The following MYLIP variants were observed in gnomAD, a reference collection of about 807,000 sequenced individuals.
MYLIP encodes the protein myosin regulatory light chain interacting protein.
Under a neutral mutation model 45.8 loss-of-function variants are expected in MYLIP, and 26 were observed. The ratio of observed to expected loss-of-function variants is 0.57; its 90% CI spans 0.42 to 0.79. MYLIP has a LOEUF of 0.79. MYLIP is among the 30% of genes least tolerant of loss of function. MYLIP has a pLI of 0.00. For missense variants in MYLIP, 494 were observed against 555.6 expected (o/e 0.89, Z 1.11); for synonymous variants, 213 against 218.1 (o/e 0.98, Z 0.21).
chr6:16,162,785 T>TAAAAAAAGAAAAAAA, the MYLIP span, among the ~76,000 whole-genome samples: 2 of 69,610 alleles, frequency 2.9e-5, 1 homozygote, highest in African/African-American at 1.9e-4. Context: ...ACCTCAACTC[T>TAAAAAAAGAAAAAAA]AAAAAAAAAA....
chr6:16,155,043 T>C, the MYLIP span, among the ~76,000 whole-genome samples: 9 of 152,178 alleles, frequency 5.9e-5, no homozygotes, highest in East Asian at 1.9e-4. Context: ...AGAGTTTCCA[T>C]GTTATTACTC....
chr6:16,135,769 A>C (rs1003789075), intron 2 of MYLIP, among the ~76,000 whole-genome samples: 1 of 146,568 alleles, frequency 6.8e-6, no homozygotes, highest in African/African-American at 2.5e-5. Context: ...ATATATATAT[A>C]TATATATATG....
chr6:16,129,267 G>A lies in MYLIP; in HGVS notation c.-56G>A. On this transcript the variant is annotated 5_prime_UTR_variant, in exon 1 of 7. Transcript: ENST00000356840. This position sits in a 1 kb window ranked among gnomAD's most constrained non-coding sequence, Gnocchi z 5.1. ...GCTGGGTCCCACCAGTGACAAGGCG[G>A]CAGCCCCGCGCACACCAAAGAGAAG... 2.0e-6 allele frequency: 3 copies of A among 1,526,838 alleles called. No homozygotes were observed. Among genetic ancestry groups the A allele is most frequent in the Non-Finnish European group, 1.8e-6 (2 of 1,128,186 alleles). The allele number at this position is 1,526,838 out of a possible 1,614,324, so 94.6% of individuals were successfully genotyped here.
the MYLIP span, among the ~76,000 whole-genome samples, chr6:16,155,725 A>G: frequency 6.6e-6 from 1 of 152,166 alleles, no homozygotes; most frequent in Non-Finnish European, 1.5e-5. Context: ...AACTGGGGTG[A>G]GTGCTTTCAG....
Position 16,143,728 on chromosome 6 carries a change from C to T in MYLIP, c.692C>T (p.Thr231Ile). The change falls in exon 5 of 7, where the codon ACC (threonine) becomes ATC (isoleucine). Residue 231 changes from threonine to isoleucine, a missense_variant. Coordinates refer to ENST00000356840, the MANE Select transcript of MYLIP (RefSeq NM_013262.4). The stretch of plus-strand genomic sequence containing the variant: ...GCTTATCCTGTGGTGCAGATGGCCA[C>T]CCAGTCAGGAAAGAATGTATATTTG... ...RIAYPVVQMA[T>I]QSGKNVYLTV... The T allele has an allele frequency of 6.2e-7, 1 of 1,614,058 alleles. No homozygotes were observed. Among genetic ancestry groups the T allele is most frequent in the Non-Finnish European group, 8.5e-7 (1 of 1,180,010 alleles).
chr6:16,146,684 G>A lies in MYLIP; in HGVS notation c.1271G>A (p.Arg424His), dbSNP rs199758517. Residue 424 changes from arginine to histidine, a missense_variant, in exon 7 of 7, where the codon CGT (arginine) becomes CAT (histidine). Physicochemically the swap from Arg to His is conservative, Grantham distance 29. Transcript: ENST00000356840. The part of the protein sequence containing the change: ...QLQSCPVCRS[R>H]VEHVQHVYLP... ...CAGTCATGTCCCGTCTGCAGGTCGC[G>A]TGTGGAGCATGTCCAGCACGTCTAT... 157 of 1,611,354 alleles carry A rather than the reference G, an allele frequency of 9.7e-5. No individual in the cohort carries two copies. Among genetic ancestry groups the A allele is most frequent in the South Asian group, 1.3e-4 (12 of 90,378 alleles).
At chr6:16,138,125 G>A (rs1365891450) in intron 2 of MYLIP, among the ~76,000 whole-genome samples, 1 of 152,188 alleles carries the variant, frequency 6.6e-6, no homozygotes, top group African/African-American at 2.4e-5. Flanking sequence ...TGTATTCATG[G>A]ACATTTCCTT....
chr6:16,156,407 C>T, the MYLIP span, among the ~76,000 whole-genome samples: 1 of 152,154 alleles, frequency 6.6e-6, no homozygotes, highest in Admixed American at 6.6e-5. Context: ...TATGGCTCTG[C>T]ATTATTTATG....
rs897889186 is a variant in MYLIP, at chr6:16,145,421, G to A, written c.1248+104G>A. 2.3e-6 allele frequency: 3 copies of A among 1,301,656 alleles called. No individual in the cohort carries two copies. In the African/African-American group the frequency reaches 4.4e-5, roughly 19 times the overall value. The allele number at this position is 1,301,656 out of a possible 1,614,324, so 80.6% of individuals were successfully genotyped here. A position where few individuals can be genotyped will look rare whatever the true frequency, so the allele number is the denominator to read the frequency against. ...GCTCGCTAATGCACAGACGGGGAATGCCCATCTTCACCCGGAAAGGGTCTT... is the reference window on the plus strand; with the variant it reads ...GCTCGCTAATGCACAGACGGGGAATACCCATCTTCACCCGGAAAGGGTCTT... On this transcript the variant is annotated intron_variant, in intron 6 of 6. Transcript: ENST00000356840.
intron 2 of MYLIP, among the ~76,000 whole-genome samples, chr6:16,137,879 A>G (rs1178681995): frequency 1.6e-5 from 2 of 128,306 alleles, no homozygotes; most frequent in South Asian, 5.0e-4. Flanking sequence ...CCTTATATTC[A>G]CTCCATTAAA....
intron 2 of MYLIP, among the ~76,000 whole-genome samples, chr6:16,135,441 G>A (rs914290132): frequency 5.3e-5 from 8 of 152,074 alleles, no homozygotes; most frequent in African/African-American, 1.9e-4. Context: ...CTTTAGAGCA[G>A]GAACACTTTC....
intron 6 of MYLIP, among the ~76,000 whole-genome samples, chr6:16,145,710 T>G (rs1033143264): frequency 1.3e-5 from 2 of 152,152 alleles, no homozygotes; most frequent in African/African-American, 4.8e-5. Context: ...ACTTAAGATA[T>G]TTGGGAAAGA....
Position 16,143,853 on chromosome 6 carries a change from G to A in MYLIP, c.817G>A (p.Ala273Thr), listed in dbSNP as rs749160939. Residue 273 changes from alanine to threonine, a missense_variant, in exon 5 of 7, where the codon GCA (alanine) becomes ACA (threonine). Physicochemically the swap from Ala to Thr is moderately conservative, Grantham distance 58. Coordinates refer to ENST00000356840, the MANE Select transcript of MYLIP (RefSeq NM_013262.4). ...GLYRAITETH[A>T]FYRCDTVTSA... ...CTACCGAGCGATAACAGAGACGCAC[G>A]CATTCTACAGGCACGTATCTCGTGT... The A allele has an allele frequency of 2.5e-6, 4 of 1,612,864 alleles. No homozygotes were observed. Among genetic ancestry groups the A allele is most frequent in the African/African-American group, 1.3e-5 (1 of 74,722 alleles).
rs1759398682 is a variant in MYLIP, at chr6:16,129,148, A to G, written c.-175A>G. On this transcript the variant is annotated 5_prime_UTR_variant, in exon 1 of 7. Coordinates refer to ENST00000356840, the MANE Select transcript of MYLIP (RefSeq NM_013262.4). This position sits in a 1 kb window ranked among gnomAD's most constrained non-coding sequence, Gnocchi z 5.1. The stretch of plus-strand genomic sequence containing the variant: ...AGGGGCAGCTGGCGGGCAGCGGGTG[A>G]GGGGGTGGCGGGGACGCGAGTGGCG... 1.6e-6 allele frequency: 1 copy of G among 606,498 alleles called. No homozygotes were observed. The highest frequency in any genetic ancestry group is 3.0e-5 in the Admixed American group (1 of 33,812). 37.6% of individuals were successfully genotyped at this position (606,498 alleles called of 1,614,324 possible). A position where few individuals can be genotyped will look rare whatever the true frequency, so the allele number is the denominator to read the frequency against.
chr6:16,152,850 A>G (rs1408085867), downstream of MYLIP, among the ~76,000 whole-genome samples: 4 of 152,182 alleles, frequency 2.6e-5, no homozygotes. Flanking sequence ...GAGCCAGTTC[A>G]AAAATGTAGC....
At chr6:16,149,252 C>T (rs1759850401), downstream of MYLIP, among the ~76,000 whole-genome samples, 1 of 152,180 alleles carries the variant, frequency 6.6e-6, no homozygotes, top group African/African-American at 2.4e-5. Flanking sequence ...GGATGGATGA[C>T]AGGCTGACAG....
chr6:16,160,972 C>T, the MYLIP span: 1,006 of 154,984 alleles, frequency 6.5e-3, 19 homozygotes, highest in African/African-American at 0.023. Context: ...ATCATCATCA[C>T]ACCGGCTGGC....
chr6:16,135,012 A>G (rs1405766135), intron 2 of MYLIP, among the ~76,000 whole-genome samples: 1 of 152,200 alleles, frequency 6.6e-6, no homozygotes, highest in Admixed American at 6.5e-5. Context: ...ACCAGTGTTG[A>G]GCAGCTGTAG....
the MYLIP span, among the ~76,000 whole-genome samples, chr6:16,160,283 A>G: frequency 6.6e-6 from 1 of 152,206 alleles, no homozygotes; most frequent in Non-Finnish European, 1.5e-5. Context: ...GAGGGGGGTT[A>G]TGGCAGACAC....
Sources: gnomAD v4.1 joint callset for allele counts (sites outside exome capture counted in the v4.1 genomes callset) on GRCh38, gnomAD v4.1.1 for gene constraint, Gnocchi (gnomAD v3.1) non-coding constraint, MANE v1.5 for transcripts, NCBI Gene and HGNC (gene_info 2026-07-23, HGNC 2026-07-21) for gene names.